PKHD1L1: variants seen among roughly 807,000 people sequenced by gnomAD.
PKHD1L1 encodes fibrocystin-L.
PKHD1L1 carries 434 observed loss-of-function variants against 462.9 expected under a neutral mutation model. The ratio of observed to expected loss-of-function variants is 0.94; its 90% CI spans 0.87 to 1.02. The LOEUF is 1.02. Ranked by LOEUF, PKHD1L1 falls within the 50% of genes least tolerant of loss-of-function variation. PKHD1L1 has a pLI of 0.00. For synonymous variants in PKHD1L1, 1,781 were observed against 1,750.0 expected (o/e 1.02, Z -0.44); for missense variants, 5,202 against 5,096.1 (o/e 1.02, Z -0.63).
chr8:109,482,749 G>A (rs186120139), intron 56 of PKHD1L1, among the ~76,000 whole-genome samples: 1 of 151,594 alleles, frequency 6.6e-6, no homozygotes, highest in Admixed American at 6.6e-5. Flanking sequence ...GCTGTGGTAA[G>A]CATCTTCATT....
intron 38 of PKHD1L1, 65 bp downstream of exon 38, chr8:109,445,710 T>C (rs1261346138): frequency 7.1e-7 from 1 of 1,399,540 alleles, no homozygotes; most frequent in East Asian, 2.5e-5. Context: ...AGTATGGAAT[T>C]GGAATGATAT....
intron 4 of PKHD1L1, among the ~76,000 whole-genome samples, chr8:109,383,337 A>T (rs1221475513): frequency 9.1e-6 from 1 of 110,082 alleles, no homozygotes; most frequent in Non-Finnish European, 1.7e-5. Flanking sequence ...TATTATATAT[A>T]ATATATATTT....
intron 46 of PKHD1L1, among the ~76,000 whole-genome samples, chr8:109,458,724 T>C (rs899930691): frequency 3.3e-5 from 5 of 152,016 alleles, no homozygotes; most frequent in African/African-American, 9.7e-5. Flanking sequence ...AAAAAGAAAA[T>C]GTTGGGAAAA....
rs748183816 is a variant in PKHD1L1, at chr8:109,451,053, A to T, written c.6254A>T (p.Tyr2085Phe). Reference protein sequence around the residue: ...DLSQSMTPFTYAVSLTPLITA... With the variant: ...DLSQSMTPFTFAVSLTPLITA... Reference sequence around the variant, plus strand: ...TCACAGTCCATGACTCCGTTTACGTACGCAGTGTCACTGACTCCACTCATC... The same window carrying T: ...TCACAGTCCATGACTCCGTTTACGTTCGCAGTGTCACTGACTCCACTCATC... Residue 2085 changes from tyrosine to phenylalanine, a missense_variant, in exon 41 of 78, where the codon TAC becomes TTC. By Grantham distance (22) the Tyr-to-Phe change is conservative (BLOSUM62 3). This residue lies in a region of PKHD1L1 where 4,497 missense variants were observed against 4,336.8 expected (regional missense o/e 1.04). Coordinates refer to ENST00000378402, the MANE Select transcript of PKHD1L1 (RefSeq NM_177531.6). The T allele has an allele frequency of 2.5e-6, 4 of 1,613,862 alleles. No homozygotes were observed. In the East Asian group the frequency reaches 8.9e-5, roughly 36 times the overall value.
At position 109,380,762 on chromosome 8, in the gene PKHD1L1, C is replaced by A. The variant is rs569797657; in HGVS notation, c.164-608C>A. Among the ~76,000 whole-genome samples the A allele has an allele frequency of 3.3e-5, 5 of 152,304 alleles. No homozygotes were observed. The East Asian group carries it at 9.6e-4, about 29-fold the overall frequency. On this transcript the variant is annotated intron_variant, in intron 2 of 77. Transcript: ENST00000378402. ...TCCTCACATTTTGCTCTCTCTCATA[C>A]CTAAAATAGCTCATTGCCCAAATAA...
At chr8:109,418,561 C>A (rs1247322259) in intron 21 of PKHD1L1, among the ~76,000 whole-genome samples, 4 of 152,152 alleles carry the variant, frequency 2.6e-5, no homozygotes, top group Non-Finnish European at 5.9e-5. Flanking sequence ...AAATCTGAAT[C>A]TGAGTTATAC....
At chr8:109,389,292 C>G in intron 8 of PKHD1L1, 140 bp downstream of exon 8, 1 of 583,426 alleles carries the variant, frequency 1.7e-6, no homozygotes, top group Non-Finnish European at 2.9e-6. Context: ...TTCTCTTTTC[C>G]TTGGCTTCTT....
rs760910504 is a variant in PKHD1L1 at position 109,477,239 on chromosome 8, G to C, written c.8932G>C (p.Asp2978His). Residue 2978 changes from aspartate to histidine, a missense_variant, in exon 53 of 78, where the codon GAC becomes CAC. Coordinates refer to ENST00000378402, the MANE Select transcript of PKHD1L1 (RefSeq NM_177531.6). ...TLYYLVSGRN[D>H]LHQSQLISGN... ...TTCACTTTCAGTGTCAGGAAGAAAT[G>C]ACCTTCATCAGAGTCAGCTCATTTC... The C allele has an allele frequency of 5.1e-5, 83 of 1,612,952 alleles. No homozygotes were observed. In the South Asian group the frequency reaches 8.2e-4, roughly 16 times the overall value.
rs555505973 is a variant in PKHD1L1, at chr8:109,409,272, C to T, written c.1972-593C>T. On this transcript the variant is annotated intron_variant, in intron 18 of 77. Coordinates refer to ENST00000378402, the MANE Select transcript of PKHD1L1 (RefSeq NM_177531.6). ...CATGTAACCTTTTTTTTTTTCAAGA[C>T]GGAGTCTCACTCTGTCACCAGGCTG... 4.2e-3 allele frequency among the ~76,000 whole-genome samples: 640 copies of T among 150,668 alleles called. 4 individuals are homozygous for T. Among genetic ancestry groups the T allele is most frequent in the Non-Finnish European group, 6.0e-3 (404 of 67,730 alleles).
chr8:109,489,851 A>ATT (rs561375436), intron 59 of PKHD1L1, 101 bp from the exon 60 acceptor site: 1 of 756,550 alleles, frequency 1.3e-6, no homozygotes, highest in Non-Finnish European at 2.3e-6. Flanking sequence ...AAGAATAATG[A>ATT]TTTTTTCATG....
chr8:109,480,254 C>A, intron 55 of PKHD1L1, 115 bp downstream of exon 55: 2 of 1,111,324 alleles, frequency 1.8e-6, no homozygotes, highest in Non-Finnish European at 2.5e-6. Flanking sequence ...ACACAACTGG[C>A]TCTATCCCAT....
In PKHD1L1 at chr8:109,464,937, C is replaced by A. The variant is rs375970016; in HGVS notation, c.8105C>A (p.Ala2702Glu). 3 of 1,613,694 alleles carry A rather than the reference C, an allele frequency of 1.9e-6. No homozygotes were observed. Among genetic ancestry groups the A allele is most frequent in the South Asian group, 1.1e-5 (1 of 91,080 alleles). Residue 2702 changes from alanine (A) to glutamate (E), a missense_variant, in exon 49 of 78, where the codon GCG (alanine) becomes GAG (glutamate). By Grantham distance (107) the Ala-to-Glu change is moderately radical. This residue lies in a region of PKHD1L1 where 4,497 missense variants were observed against 4,336.8 expected (regional missense o/e 1.04). Coordinates refer to ENST00000378402, the MANE Select transcript of PKHD1L1 (RefSeq NM_177531.6). Reference sequence around the variant, plus strand: ...GGAGGGTGGGGTGAAACCAATGGAGCGGTGATTAAAAATGCCAAAATAGTC... The same window carrying A: ...GGAGGGTGGGGTGAAACCAATGGAGAGGTGATTAAAAATGCCAAAATAGTC... The part of the protein sequence containing the change: ...YVGGWGETNG[A>E]VIKNAKIVGH...
intron 20 of PKHD1L1, 52 bp downstream of exon 20, chr8:109,412,466 T>C (rs1219138148): frequency 1.3e-6 from 2 of 1,487,570 alleles, no homozygotes; most frequent in Admixed American, 2.4e-5. Flanking sequence ...ACCTTGGTAA[T>C]AAAATTTCAT....
At chr8:109,521,017 G>A (rs1332595561) in intron 73 of PKHD1L1, among the ~76,000 whole-genome samples, 2 of 152,152 alleles carry the variant, frequency 1.3e-5, no homozygotes, top group Non-Finnish European at 2.9e-5. Context: ...CTCAGACTTG[G>A]GAGGCCTCCC....
intron 6 of PKHD1L1, among the ~76,000 whole-genome samples, chr8:109,387,910 A>C (rs932691406): frequency 6.6e-6 from 1 of 152,160 alleles, no homozygotes; most frequent in Non-Finnish European, 1.5e-5. Flanking sequence ...ATCAGGTACT[A>C]TCAGCTTCCA....
In PKHD1L1 at chr8:109,466,584, A is replaced by G; in HGVS notation, c.8420A>G (p.Lys2807Arg). 6.3e-7 allele frequency: 1 copy of G among 1,581,780 alleles called. No homozygotes were observed. Among genetic ancestry groups the G allele is most frequent in the Non-Finnish European group, 8.6e-7 (1 of 1,164,046 alleles). The stretch of plus-strand genomic sequence containing the variant: ...TTGTTTGTTTGTTTCCCAGGGCACA[A>G]AGGACATACCGTCATTCCACACAGC... Reference protein sequence around the residue: ...IDVDGSLTGHKGHTVIPHSSL... With the variant: ...IDVDGSLTGHRGHTVIPHSSL... Residue 2807 changes from lysine (K) to arginine (R), a missense_variant, in exon 50 of 78, where the codon AAA becomes AGA. Transcript: ENST00000378402.
At chr8:109,505,805 T>C (rs1005666552) in intron 68 of PKHD1L1, among the ~76,000 whole-genome samples, 3 of 152,158 alleles carry the variant, frequency 2.0e-5, no homozygotes, top group Non-Finnish European at 4.4e-5. Flanking sequence ...CTCAGGAGGC[T>C]GAGGCAGGAG....
At position 109,459,669 on chromosome 8, in the gene PKHD1L1, AC is replaced by A. The variant is rs1309651412; in HGVS notation, c.7082del (p.Pro2361HisfsTer2). The A allele has an allele frequency of 6.2e-7, 1 of 1,609,396 alleles. No individual in the cohort carries two copies. The highest frequency in any genetic ancestry group is 1.1e-5 in the South Asian group (1 of 90,128). ...SADGINITLS[N>X]PLNYTHLGIT... ...GATGGCATAAACATAACACTAAGTA[AC>A]CCACTAAATTACACACACTTAGGAA... is the stretch of plus-strand genomic sequence containing the variant. On this transcript the variant is annotated frameshift_variant, in exon 47 of 78. Transcript: ENST00000378402. LOFTEE classifies it high-confidence loss of function.
chr8:109,469,631 A>G (rs1187896542), intron 50 of PKHD1L1, among the ~76,000 whole-genome samples: 1 of 152,128 alleles, frequency 6.6e-6, no homozygotes, highest in Non-Finnish European at 1.5e-5. Context: ...TATTACATTT[A>G]ATTTTAAAAC....
Sources: allele counts gnomAD v4.1 joint callset (sites outside exome capture counted in the v4.1 genomes callset), GRCh38; gene constraint gnomAD v4.1.1; regional missense constraint gnomAD v4.1.1; transcripts MANE v1.5; gene names NCBI Gene and HGNC (gene_info 2026-07-23, HGNC 2026-07-21).